MTSS1: variants seen among roughly 807,000 people sequenced by gnomAD.
The protein encoded by MTSS1 is protein MTSS 1.
A neutral mutation model predicts 79.0 loss-of-function variants in MTSS1; 18 were observed. The observed-to-expected ratio is 0.23, with a 90% CI of 0.16 to 0.34. The LOEUF (loss-of-function observed/expected upper bound fraction) is 0.34. Ranked by LOEUF, MTSS1 falls within the 10% of genes least tolerant of loss-of-function variation. The probability of loss-of-function intolerance (pLI) is 1.00; values close to 1 mark genes in which losing one functional copy is unlikely to be tolerated. For missense variants in MTSS1, 815 were observed against 986.2 expected, an observed-to-expected ratio of 0.83 and a Z score of 2.33; for synonymous variants, 341 against 368.6, an observed-to-expected ratio of 0.93 and a Z score of 0.86.
Position 124,570,815 on chromosome 8 carries a change from C to T in MTSS1, c.461-2279G>A, listed in dbSNP as rs531195090. Reference sequence around the variant, plus strand: ...CCTCTTAAGCAGCTGGGACTACCAGCGTGCACCACCATGCCCAGCTAGTTT... The same window carrying T: ...CCTCTTAAGCAGCTGGGACTACCAGTGTGCACCACCATGCCCAGCTAGTTT... On this transcript the variant is annotated intron_variant, in intron 6 of 13. Coordinates refer to ENST00000518547, the MANE Select transcript of MTSS1 (RefSeq NM_014751.6). Among the ~76,000 whole-genome samples the T allele has an allele frequency of 1.1e-4, 16 of 152,248 alleles. No homozygotes were observed. In the East Asian group the frequency reaches 1.2e-3, roughly 11 times the overall value.
At chr8:124,640,487 AG>A (rs1817827065) in intron 3 of MTSS1, among the ~76,000 whole-genome samples, 1 of 152,200 alleles carries the variant, frequency 6.6e-6, no homozygotes, top group Non-Finnish European at 1.5e-5. Flanking sequence ...GTCAGATTTC[AG>A]GTTCCTTCAA....
intron 3 of MTSS1, among the ~76,000 whole-genome samples, chr8:124,618,131 A>T (rs1416044318): frequency 6.6e-6 from 1 of 152,178 alleles, no homozygotes; most frequent in Admixed American, 6.5e-5. Flanking sequence ...CTGGGGTCAC[A>T]CAGCTAACAT....
At chr8:124,707,704 T>A (rs1405819239) in intron 1 of MTSS1, among the ~76,000 whole-genome samples, 1 of 146,028 alleles carries the variant, frequency 6.8e-6, no homozygotes, top group East Asian at 2.0e-4. Context: ...CGAGACTCCA[T>A]CTCAAAAGAA....
At chr8:124,558,943 C>G in intron 10 of MTSS1, 3 of 1,363,962 alleles carry the variant, frequency 2.2e-6, no homozygotes, top group Non-Finnish European at 2.9e-6. Flanking sequence ...AGGGCACACA[C>G]AGAGAGAAAG....
At chr8:124,724,877 T>A (rs1040644190) in intron 1 of MTSS1, among the ~76,000 whole-genome samples, 1 of 152,154 alleles carries the variant, frequency 6.6e-6, no homozygotes, top group Non-Finnish European at 1.5e-5. Flanking sequence ...AGACTACTGT[T>A]CCCCAGACAA....
At chr8:124,718,104 G>T (rs1323305204) in intron 1 of MTSS1, among the ~76,000 whole-genome samples, 2 of 151,278 alleles carry the variant, frequency 1.3e-5, no homozygotes, top group African/African-American at 4.8e-5. Flanking sequence ...GCGAGCCCTT[G>T]TGAGTGTGAA....
chr8:124,632,953 C>A (rs1422537935), intron 3 of MTSS1, among the ~76,000 whole-genome samples: 3 of 152,080 alleles, frequency 2.0e-5, no homozygotes. Flanking sequence ...CAGGCATGAG[C>A]CACCACACCC....
intron 3 of MTSS1, among the ~76,000 whole-genome samples, chr8:124,660,563 C>T (rs1821850377): frequency 6.6e-6 from 1 of 151,984 alleles, no homozygotes; most frequent in Non-Finnish European, 1.5e-5. Context: ...ACGCCTCCAA[C>T]AGAAGAGGAA....
rs1394987590 is a variant in MTSS1, at chr8:124,556,344, T to C, written c.1292A>G (p.Glu431Gly). The change falls in exon 12 of 14, where the codon GAG (glutamate) becomes GGG (glycine). Residue 431 changes from glutamate to glycine, a missense_variant. Around this residue, in one of 2 missense-constraint regions of MTSS1, gnomAD observed 590 missense variants for 620.8 expected, o/e 0.95. Coordinates refer to ENST00000518547, the MANE Select transcript of MTSS1 (RefSeq NM_014751.6). ...PLVNTLQRRK[E>G]KREPDPNGGG... ...CCCGTTGGGGTCCGGTTCTCGCTTC[T>C]CTTTGCGGCGCTGCAGGGTGTTCAC... 1.2e-6 allele frequency: 2 copies of C among 1,614,212 alleles called. No homozygotes were observed. The highest frequency in any genetic ancestry group is 1.7e-6 in the Non-Finnish European group (2 of 1,180,028).
At chr8:124,639,099 G>A (rs189928629) in intron 3 of MTSS1, among the ~76,000 whole-genome samples, 2 of 152,324 alleles carry the variant, frequency 1.3e-5, no homozygotes, top group African/African-American at 2.4e-5. Flanking sequence ...CACTTTGGGA[G>A]GCCAAGGCAG....
intron 6 of MTSS1, among the ~76,000 whole-genome samples, chr8:124,578,485 C>T (rs1357127121): frequency 6.6e-6 from 1 of 152,084 alleles, no homozygotes; most frequent in East Asian, 1.9e-4. Context: ...CCCCAGGTTA[C>T]ACCTTTTGCT....
In MTSS1 at chr8:124,727,542, G is replaced by A. The variant is rs1833905725; in HGVS notation, c.72+342C>T. The A allele has an allele frequency of 2.1e-6, 1 of 484,208 alleles. No individual in the cohort carries two copies. The highest frequency in any genetic ancestry group is 2.3e-5 in the Admixed American group (1 of 43,238). 30.0% of individuals were successfully genotyped at this position (484,208 alleles called of 1,614,324 possible). A position where few individuals can be genotyped will look rare whatever the true frequency, so the allele number is the denominator to read the frequency against. On this transcript the variant is annotated intron_variant, in intron 1 of 13. Transcript: ENST00000518547. The surrounding 1 kb of genome is among the most constrained non-coding windows in gnomAD (Gnocchi z 4.7). ...GTGTCCTCCCGGGCATCCAGCCCCC[G>A]CGGGTCCCAGACACTTACTTCAGGG...
rs372997072 is a variant in MTSS1 at position 124,586,878 on chromosome 8, T to C, written c.386-1717A>G. Among the ~76,000 whole-genome samples the C allele has an allele frequency of 3.3e-5, 5 of 152,248 alleles. No homozygotes were observed. The South Asian group carries it at 6.2e-4, about 19-fold the overall frequency. On this transcript the variant is annotated intron_variant, in intron 5 of 13. Coordinates refer to ENST00000518547, the MANE Select transcript of MTSS1 (RefSeq NM_014751.6). ...AGTGGGAATGGGAAGGAGGGGGAAA[T>C]ATTCCAAGAAAATCAAGGAACCTGT... is the stretch of plus-strand genomic sequence containing the variant.
chr8:124,680,058 T>G (rs1435170764), intron 3 of MTSS1, among the ~76,000 whole-genome samples: 4 of 152,186 alleles, frequency 2.6e-5, no homozygotes, highest in Admixed American at 2.6e-4. Flanking sequence ...CAGGTTCTCT[T>G]GATCATTATG....
At chr8:124,604,161 C>T (rs1587188245) in intron 3 of MTSS1, among the ~76,000 whole-genome samples, 2 of 151,656 alleles carry the variant, frequency 1.3e-5, no homozygotes, top group South Asian at 4.2e-4. Context: ...TGCAGTGAGC[C>T]GAAATCAAGC....
At chr8:124,559,895 T>C (rs975279916) in intron 10 of MTSS1, among the ~76,000 whole-genome samples, 18 of 152,360 alleles carry the variant, frequency 1.2e-4, no homozygotes, top group Admixed American at 3.9e-4. Flanking sequence ...GTAATTTATC[T>C]GAAAGTGTTC....
At chr8:124,622,829 GAT>G (rs921683196) in intron 3 of MTSS1, among the ~76,000 whole-genome samples, 21 of 150,398 alleles carry the variant, frequency 1.4e-4, no homozygotes, top group Non-Finnish European at 2.8e-4. Context: ...AGAAATGATA[GAT>G]ATGTTAACTT....
intron 3 of MTSS1, among the ~76,000 whole-genome samples, chr8:124,596,314 G>C (rs907519739): frequency 2.6e-5 from 4 of 152,228 alleles, no homozygotes; most frequent in African/African-American, 7.2e-5. Flanking sequence ...ATCTAAGTTG[G>C]TCACTTGATG....
In MTSS1 at chr8:124,727,273, T is replaced by C. The variant is rs1043360324; in HGVS notation, c.72+611A>G. On this transcript the variant is annotated intron_variant, in intron 1 of 13. Transcript: ENST00000518547. The surrounding 1 kb of genome is among the most constrained non-coding windows in gnomAD (Gnocchi z 4.7). Reference sequence around the variant, plus strand: ...GGCCCCTGCAAGGCTGCCCGGGAACTTCGGCCCCGCGCCCCGCGGGAGGGC... The same window carrying C: ...GGCCCCTGCAAGGCTGCCCGGGAACCTCGGCCCCGCGCCCCGCGGGAGGGC... 1.5e-4 allele frequency among the ~76,000 whole-genome samples: 23 copies of C among 152,212 alleles called. No individual in the cohort carries two copies. The highest frequency in any genetic ancestry group is 5.3e-4 in the African/African-American group (22 of 41,460).
Sources: gnomAD v4.1 joint callset for allele counts (sites outside exome capture counted in the v4.1 genomes callset) on GRCh38, gnomAD v4.1.1 for gene constraint, gnomAD v4.1.1 regional missense constraint, Gnocchi (gnomAD v3.1) non-coding constraint, MANE v1.5 for transcripts, NCBI Gene and HGNC (gene_info 2026-07-23, HGNC 2026-07-21) for gene names.